The following ARMH3 variants were observed in gnomAD, a reference collection of about 807,000 sequenced individuals.
The protein encoded by ARMH3 is armadillo-like helical domain-containing protein 3.
ARMH3 carries 60 observed loss-of-function variants against 99.1 expected under a neutral mutation model. The observed-to-expected ratio is 0.61, with a 90% CI of 0.49 to 0.75. ARMH3 has a LOEUF of 0.75. Ranked by LOEUF, ARMH3 falls within the 30% of genes least tolerant of loss-of-function variation. The pLI is 0.00. For synonymous variants in ARMH3, 285 were observed against 292.8 expected (o/e 0.97, Z 0.27); for missense variants, 679 against 843.1 (o/e 0.81, Z 2.41).
chr10:102,047,014 G>GTAT (rs1249359874), intron 1 of ARMH3, among the ~76,000 whole-genome samples: 1 of 152,164 alleles, frequency 6.6e-6, no homozygotes, highest in East Asian at 1.9e-4. Flanking sequence ...TGTAAATGTA[G>GTAT]GTAATAGTAA....
intron 23 of ARMH3, among the ~76,000 whole-genome samples, chr10:101,915,707 A>C (rs1843050896): frequency 6.6e-6 from 1 of 152,094 alleles, no homozygotes; most frequent in Admixed American, 6.5e-5. Flanking sequence ...AGTGTGATGA[A>C]GCTTTCTGCC....
At chr10:101,864,108 A>ACACAC (rs1564699470) in intron 24 of ARMH3, among the ~76,000 whole-genome samples, 1 of 146,808 alleles carries the variant, frequency 6.8e-6, no homozygotes, top group Non-Finnish European at 1.5e-5. Context: ...CACACACACA[A>ACACAC]AAACCAGACA....
chr10:101,941,176 G>A (rs1018902807), intron 22 of ARMH3, among the ~76,000 whole-genome samples: 1 of 152,284 alleles, frequency 6.6e-6, no homozygotes, highest in African/African-American at 2.4e-5. Flanking sequence ...CATTTATGTA[G>A]AGAAGTAACT....
Position 102,007,159 on chromosome 10 carries a change from C to CAAAAAAAAA in ARMH3, c.955-535_955-527dup, listed in dbSNP as rs10639768. On this transcript the variant is annotated intron_variant, in intron 13 of 25. Coordinates refer to ENST00000370033, the MANE Select transcript of ARMH3 (RefSeq NM_024541.3). ...CTGGTGACACAGCAAGACTCTATCT[C>CAAAAAAAAA]AAAAAAAAAAAAAAAAAAAGAAAAA... Among the ~76,000 whole-genome samples the CAAAAAAAAA allele has an allele frequency of 2.7e-3, 160 of 59,992 alleles. 8 individuals carry two copies. The highest frequency in any genetic ancestry group is 6.1e-3 in the African/African-American group (87 of 14,164). The allele number at this position is 59,992 out of a possible 152,430, so 39.4% of individuals were successfully genotyped here.
intron 23 of ARMH3, among the ~76,000 whole-genome samples, chr10:101,907,589 A>G (rs1356814622): frequency 1.3e-5 from 2 of 151,970 alleles, no homozygotes; most frequent in Non-Finnish European, 2.9e-5. Flanking sequence ...ACTCCATTTC[A>G]GCCAGGCTGG....
At chr10:101,994,963 G>A (rs1286248600) in intron 16 of ARMH3, among the ~76,000 whole-genome samples, 2 of 152,170 alleles carry the variant, frequency 1.3e-5, no homozygotes, top group Non-Finnish European at 2.9e-5. Context: ...TTGAACCTGG[G>A]AGGTGGAGGT....
At chr10:101,958,657 C>A (rs1228323551) in intron 20 of ARMH3, among the ~76,000 whole-genome samples, 1 of 152,000 alleles carries the variant, frequency 6.6e-6, no homozygotes, top group African/African-American at 2.4e-5. Context: ...CCCACAAACC[C>A]CCACCTTCCA....
chr10:101,936,749 G>A (rs561299994), intron 23 of ARMH3, among the ~76,000 whole-genome samples: 1 of 152,166 alleles, frequency 6.6e-6, no homozygotes, highest in East Asian at 1.9e-4. Context: ...AAAAGTAGAA[G>A]CAACTCAAGT....
At chr10:102,035,007 C>T (rs189727996) in intron 2 of ARMH3, among the ~76,000 whole-genome samples, 9 of 152,228 alleles carry the variant, frequency 5.9e-5, no homozygotes, top group Non-Finnish European at 8.8e-5. Context: ...AGGGCTGAGG[C>T]GGGTGGATCA....
chr10:101,903,043 G>C (rs531100867), intron 23 of ARMH3, among the ~76,000 whole-genome samples: 29 of 152,322 alleles, frequency 1.9e-4, no homozygotes, highest in Non-Finnish European at 3.2e-4. Flanking sequence ...CAATATACCA[G>C]AAAGAGCAGT....
intron 24 of ARMH3, among the ~76,000 whole-genome samples, chr10:101,861,729 C>CAAA (rs35593972): frequency 2.0e-3 from 86 of 44,044 alleles, no homozygotes; most frequent in East Asian, 3.4e-3. Context: ...GACTCCGTCT[C>CAAA]AAAAAAAAAA....
intron 24 of ARMH3, among the ~76,000 whole-genome samples, chr10:101,884,165 G>T (rs971519252): frequency 3.9e-5 from 6 of 152,180 alleles, no homozygotes; most frequent in Non-Finnish European, 8.8e-5. Context: ...TAGAGGAGAT[G>T]AACACAACTG....
intron 22 of ARMH3, among the ~76,000 whole-genome samples, chr10:101,951,239 C>T (rs1844768796): frequency 6.6e-6 from 1 of 152,116 alleles, no homozygotes; most frequent in African/African-American, 2.4e-5. Flanking sequence ...TATAGATTTG[C>T]CATAATCCCA....
At chr10:102,017,350 G>A (rs1268037665) in intron 8 of ARMH3, among the ~76,000 whole-genome samples, 3 of 151,988 alleles carry the variant, frequency 2.0e-5, no homozygotes, top group Non-Finnish European at 4.4e-5. Flanking sequence ...TAATTCTTCT[G>A]GGGGCTTCTG....
In ARMH3 at chr10:101,993,626, G is replaced by GT. The variant is rs764351815; in HGVS notation, c.1210-24dup. ...ATCCTAATAAAAATATAGAGAAAAA[G>GT]TAAGAAGCGAGAGCTATATTTAAGA... is the stretch of plus-strand genomic sequence containing the variant. On this transcript the variant is annotated intron_variant, in intron 16 of 25. Transcript: ENST00000370033. 4.7e-6 allele frequency: 7 copies of GT among 1,495,956 alleles called. No individual in the cohort carries two copies. In the East Asian group the frequency reaches 1.6e-4, roughly 34 times the overall value. 92.7% of individuals were successfully genotyped at this position (1,495,956 alleles called of 1,614,324 possible). A position where few individuals can be genotyped will look rare whatever the true frequency, so the allele number is the denominator to read the frequency against.
chr10:101,870,864 G>A (rs1013825649), intron 24 of ARMH3, among the ~76,000 whole-genome samples: 2 of 152,006 alleles, frequency 1.3e-5, no homozygotes, highest in South Asian at 4.1e-4. Flanking sequence ...ACCTGAGCCC[G>A]ACGAGGTTGA....
chr10:102,019,609 T>G (rs1010991908), intron 8 of ARMH3, among the ~76,000 whole-genome samples: 1 of 152,096 alleles, frequency 6.6e-6, no homozygotes, highest in Admixed American at 6.6e-5. Context: ...AGTTTTTAAC[T>G]AAAAAGTTTT....
chr10:101,878,498 A>G (rs1403992754), intron 24 of ARMH3, among the ~76,000 whole-genome samples: 1 of 151,546 alleles, frequency 6.6e-6, no homozygotes, highest in Non-Finnish European at 1.5e-5. Context: ...AAATAGCCAG[A>G]CATGGTAGCA....
chr10:101,871,860 G>T (rs1012076604), intron 24 of ARMH3, among the ~76,000 whole-genome samples: 2 of 151,978 alleles, frequency 1.3e-5, no homozygotes, highest in African/African-American at 4.8e-5. Context: ...AATTAGCTGG[G>T]TGTGGTGGTG....
Sources: allele counts gnomAD v4.1 joint callset (sites outside exome capture counted in the v4.1 genomes callset), GRCh38; gene constraint gnomAD v4.1.1; transcripts MANE v1.5; gene names NCBI Gene and HGNC (gene_info 2026-07-23, HGNC 2026-07-21).